SLC24A3: variants seen among roughly 807,000 people sequenced by gnomAD.
SLC24A3 encodes sodium/potassium/calcium exchanger 3.
Under a neutral mutation model 75.8 loss-of-function variants are expected in SLC24A3, and 28 were observed. The observed-to-expected ratio is 0.37, with a 90% CI of 0.27 to 0.51. The LOEUF (loss-of-function observed/expected upper bound fraction) is 0.51, where lower values mean the gene tolerates loss of function less well. Ranked by LOEUF, SLC24A3 falls within the 20% of genes least tolerant of loss-of-function variation. SLC24A3 has a pLI of 0.94. For synonymous variants in SLC24A3, 372 were observed against 334.1 expected, an observed-to-expected ratio of 1.11 and a Z score of -1.24; for missense variants, 663 against 847.8, an observed-to-expected ratio of 0.78 and a Z score of 2.71.
chr20:19,719,592 G>T (rs117181981), intron 16 of SLC24A3, among the ~76,000 whole-genome samples: 285 of 152,144 alleles, frequency 1.9e-3, no homozygotes, highest in Non-Finnish European at 3.0e-3. Context: ...TGAAGTAGCC[G>T]TCTGGGGAAG....
At chr20:19,376,745 C>T (rs1344978449) in intron 2 of SLC24A3, among the ~76,000 whole-genome samples, 1 of 152,060 alleles carries the variant, frequency 6.6e-6, no homozygotes, top group Non-Finnish European at 1.5e-5. Context: ...CCTCTTGATC[C>T]AGTAGCGTTC....
intron 10 of SLC24A3, among the ~76,000 whole-genome samples, chr20:19,683,135 AT>A (rs1347963638): frequency 6.6e-6 from 1 of 152,216 alleles, no homozygotes; most frequent in Non-Finnish European, 1.5e-5. Flanking sequence ...TCAAAATTAA[AT>A]ATTTGATATA....
intron 15 of SLC24A3, among the ~76,000 whole-genome samples, chr20:19,704,204 T>TGGAG (rs11473728): frequency 8.0e-5 from 12 of 150,102 alleles, no homozygotes; most frequent in South Asian, 4.3e-4. Context: ...GATGGATGGA[T>TGGAG]AGATGGATGG....
At chr20:19,683,670 G>T (rs988795752) in intron 10 of SLC24A3, among the ~76,000 whole-genome samples, 7 of 152,182 alleles carry the variant, frequency 4.6e-5, no homozygotes, top group Non-Finnish European at 1.0e-4. Flanking sequence ...GGCATATAGG[G>T]TACAAAGTTC....
rs1297648466 is a variant in SLC24A3 at position 19,295,840 on chromosome 20, A to G, written c.271+14753A>G. Among the ~76,000 whole-genome samples, 4 of 151,812 alleles carry G rather than the reference A, an allele frequency of 2.6e-5. No homozygotes were observed. In the East Asian group the frequency reaches 7.7e-4, roughly 29 times the overall value. Reference sequence around the variant, plus strand: ...TTTTTGTTGTTGTTGTATCTCTGCCAGGTTTTGGTATCAAGATGATGCTGG... The same window carrying G: ...TTTTTGTTGTTGTTGTATCTCTGCCGGGTTTTGGTATCAAGATGATGCTGG... On this transcript the variant is annotated intron_variant, in intron 2 of 16. Transcript: ENST00000328041.
At position 19,404,768 on chromosome 20, in the gene SLC24A3, G is replaced by A. The variant is rs138111790; in HGVS notation, c.272-110720G>A. On this transcript the variant is annotated intron_variant, in intron 2 of 16. Transcript: ENST00000328041. Reference sequence around the variant, plus strand: ...GCATGATGCATGCAGCTCCTCACAAGAGCTTGGCCATGGCTGAAGGACTGA... The same window carrying A: ...GCATGATGCATGCAGCTCCTCACAAAAGCTTGGCCATGGCTGAAGGACTGA... Among the ~76,000 whole-genome samples the A allele has an allele frequency of 1.7e-3, 261 of 152,326 alleles. 1 individual carries two copies. Among genetic ancestry groups the A allele is most frequent in the African/African-American group, 6.0e-3 (251 of 41,582 alleles).
At chr20:19,571,204 C>A (rs1485485449) in intron 3 of SLC24A3, among the ~76,000 whole-genome samples, 1 of 152,152 alleles carries the variant, frequency 6.6e-6, no homozygotes, top group Non-Finnish European at 1.5e-5. Flanking sequence ...TTGTCCCCTA[C>A]TGCAGGTGGG....
intron 2 of SLC24A3, among the ~76,000 whole-genome samples, chr20:19,297,946 C>T (rs1984099186): frequency 6.6e-6 from 1 of 152,154 alleles, no homozygotes; most frequent in East Asian, 1.9e-4. Context: ...AGGAGGTGTC[C>T]CTAGTCCTTG....
chr20:19,342,650 T>C (rs1985295461), intron 2 of SLC24A3, among the ~76,000 whole-genome samples: 1 of 151,964 alleles, frequency 6.6e-6, no homozygotes, highest in Non-Finnish European at 1.5e-5. Context: ...GAAGAAGGAG[T>C]GTCTTTTTAT....
intron 1 of SLC24A3, among the ~76,000 whole-genome samples, chr20:19,271,687 C>A (rs926382473): frequency 2.6e-5 from 4 of 152,162 alleles, no homozygotes; most frequent in African/African-American, 9.7e-5. Context: ...GCATTTGCAG[C>A]AACCTGGGTG....
intron 9 of SLC24A3, among the ~76,000 whole-genome samples, chr20:19,678,359 C>T (rs1161945020): frequency 3.9e-5 from 5 of 127,762 alleles, no homozygotes; most frequent in African/African-American, 6.2e-5. Flanking sequence ...ACCTCCCTCC[C>T]GGACGGGGCG....
chr20:19,665,792 C>CGT (rs58371474), intron 7 of SLC24A3, 72 bp from the exon 8 acceptor site: 23,396 of 1,195,350 alleles, frequency 0.02, 92 homozygotes, highest in African/African-American at 0.07. Flanking sequence ...AGCCTTAAAG[C>CGT]GTGTGTGTGT....
chr20:19,263,033 T>TTGTGTGTGTGTG (rs11473481), intron 1 of SLC24A3, among the ~76,000 whole-genome samples: 161 of 143,240 alleles, frequency 1.1e-3, no homozygotes, highest in Admixed American at 3.5e-3. Context: ...ACTCCAGCCT[T>TTGTGTGTGTGTG]TGTGTGTGTG....
intron 6 of SLC24A3, among the ~76,000 whole-genome samples, chr20:19,646,509 T>G (rs1308019871): frequency 6.6e-6 from 1 of 152,238 alleles, no homozygotes; most frequent in Non-Finnish European, 1.5e-5. Flanking sequence ...AAAATTAATG[T>G]GTAATGTTAA....
intron 2 of SLC24A3, among the ~76,000 whole-genome samples, chr20:19,413,124 A>G (rs989258032): frequency 6.6e-6 from 1 of 152,308 alleles, no homozygotes. Flanking sequence ...CTACCTACTT[A>G]GTCGTTGAGA....
At chr20:19,715,597 A>G (rs566453945) in intron 15 of SLC24A3, among the ~76,000 whole-genome samples, 6 of 152,198 alleles carry the variant, frequency 3.9e-5, no homozygotes, top group African/African-American at 1.4e-4. Flanking sequence ...TCACATCTTC[A>G]CAGAAAGGGT....
intron 2 of SLC24A3, among the ~76,000 whole-genome samples, chr20:19,298,567 A>T (rs933203546): frequency 2.0e-5 from 3 of 152,154 alleles, no homozygotes; most frequent in Admixed American, 6.5e-5. Flanking sequence ...ACAGTAGAGG[A>T]TGGGGAAGTG....
chr20:19,560,574 G>A (rs138028989), intron 3 of SLC24A3, among the ~76,000 whole-genome samples: 2 of 152,182 alleles, frequency 1.3e-5, no homozygotes, highest in East Asian at 3.8e-4. Context: ...TACCAGACAC[G>A]TTTTAAACAC....
chr20:19,449,401 C>A (rs533632720), intron 2 of SLC24A3, among the ~76,000 whole-genome samples: 3 of 152,210 alleles, frequency 2.0e-5, no homozygotes, highest in Non-Finnish European at 4.4e-5. Flanking sequence ...CCCCACGTGG[C>A]GCCCAAGCTC....
Sources: allele counts gnomAD v4.1 joint callset (sites outside exome capture counted in the v4.1 genomes callset), GRCh38; gene constraint gnomAD v4.1.1; transcripts MANE v1.5; gene names NCBI Gene and HGNC (gene_info 2026-07-23, HGNC 2026-07-21).